OR3A3: variants seen among roughly 807,000 people sequenced by gnomAD.
The protein encoded by OR3A3 is olfactory receptor family 3 subfamily A member 3.
For missense variants in OR3A3, 275 were observed against 391.4 expected (o/e 0.70, Z 2.51); for synonymous variants, 103 against 163.9 (o/e 0.63, Z 2.84).
exon 3 of OR3A3, chr17:3,423,288 T>A (rs1157541731): frequency 6.6e-6 from 1 of 152,352 alleles, no homozygotes; most frequent in Non-Finnish European, 1.5e-5. Flanking sequence ...TTTGAGAGCA[T>A]TACCACCACC....
intron 2 of OR3A3, among the ~76,000 whole-genome samples, chr17:3,412,980 T>C (rs1369236126): frequency 1.3e-5 from 2 of 152,258 alleles, no homozygotes; most frequent in Non-Finnish European, 2.9e-5. Flanking sequence ...TCTCTTTCTC[T>C]GAAATTGTAC....
chr17:3,420,136 C>A (rs191299791), intron 2 of OR3A3, among the ~76,000 whole-genome samples: 6 of 151,980 alleles, frequency 3.9e-5, no homozygotes, highest in Non-Finnish European at 8.8e-5. Context: ...AATTTTATTG[C>A]GTATATTTAA....
At chr17:3,422,129 CG>C (rs2072439119) in exon 3 of OR3A3, 1 of 152,128 alleles carries the variant, frequency 6.6e-6, no homozygotes, top group Non-Finnish European at 1.5e-5. Context: ...TATTTTGAAC[CG>C]TGGGCCCAGT....
chr17:3,420,096 A>G (rs1319765865), intron 2 of OR3A3, among the ~76,000 whole-genome samples: 4 of 152,124 alleles, frequency 2.6e-5, no homozygotes, highest in South Asian at 2.1e-4. Flanking sequence ...ACTATATTCA[A>G]AAAGGAAGTC....
intron 2 of OR3A3, among the ~76,000 whole-genome samples, chr17:3,415,540 G>C (rs557013910): frequency 2.2e-4 from 27 of 124,458 alleles, no homozygotes; most frequent in Non-Finnish European, 4.1e-4. Flanking sequence ...CAGCCTGGGT[G>C]ACAAAAGCGA....
intron 2 of OR3A3, among the ~76,000 whole-genome samples, chr17:3,415,798 A>AATTATTATTATTATTATT (rs71153352): frequency 4.4e-5 from 4 of 90,584 alleles, no homozygotes; most frequent in East Asian, 2.3e-4. Flanking sequence ...CTTATTTTTA[A>AATTATTATTATTATTATT]ATTATTATTA....
intron 2 of OR3A3, among the ~76,000 whole-genome samples, chr17:3,419,591 A>G (rs58372229): frequency 0.43 from 65,399 of 152,038 alleles, 15,391 homozygotes; most frequent in Non-Finnish European, 0.55. Flanking sequence ...ATCATTTTAC[A>G]AAGCATATGC....
chr17:3,421,533 A>G (rs1328045322), exon 3 of OR3A3: 1 of 1,519,810 alleles, frequency 6.6e-7, no homozygotes, highest in Admixed American at 2.2e-5. Context: ...CACTGACCTG[A>G]GAGATGACCT....
At chr17:3,422,003 C>T (rs1405893807) in exon 3 of OR3A3, 1 of 153,272 alleles carries the variant, frequency 6.5e-6, no homozygotes, top group Non-Finnish European at 1.5e-5. Flanking sequence ...TATGCCTGAG[C>T]AGCAATGTCC....
In OR3A3 at chr17:3,415,872, G is replaced by A. The variant is rs1317163613; in HGVS notation, c.-7+3701G>A. ...GACCCAGGCTGGAGTGAAGGGGCAC[G>A]ATCTTGGCTCACTACAACCTCCACC... is the stretch of plus-strand genomic sequence containing the variant. On this transcript the variant is annotated intron_variant, in intron 2 of 2. Transcript: ENST00000641141. Among the ~76,000 whole-genome samples the A allele has an allele frequency of 2.7e-5, 4 of 148,452 alleles. No homozygotes were observed. In the South Asian group the frequency reaches 6.4e-4, roughly 24 times the overall value.
intron 2 of OR3A3, among the ~76,000 whole-genome samples, chr17:3,413,706 G>T (rs946528847): frequency 8.6e-5 from 13 of 151,850 alleles, no homozygotes; most frequent in Admixed American, 3.9e-4. Flanking sequence ...CCAGCTGCTC[G>T]GGAGGCTGAG....
At chr17:3,417,278 T>A (rs1032355063) in intron 2 of OR3A3, among the ~76,000 whole-genome samples, 1 of 152,138 alleles carries the variant, frequency 6.6e-6, no homozygotes, top group African/African-American at 2.4e-5. Context: ...CATGATTGGG[T>A]TAAGCCTTTT....
chr17:3,418,004 T>G (rs907092791), intron 2 of OR3A3, among the ~76,000 whole-genome samples: 4 of 152,210 alleles, frequency 2.6e-5, no homozygotes, highest in African/African-American at 9.6e-5. Context: ...AGTTCTGTTA[T>G]CTCACATTTC....
At chr17:3,419,890 C>T (rs1051097640) in intron 2 of OR3A3, among the ~76,000 whole-genome samples, 29 of 152,036 alleles carry the variant, frequency 1.9e-4, no homozygotes, top group Non-Finnish European at 2.8e-4. Context: ...CTCAGCCTCC[C>T]GAGTAGCTGG....
At chr17:3,422,478 G>A (rs2072441579) in exon 3 of OR3A3, 2 of 152,136 alleles carry the variant, frequency 1.3e-5, no homozygotes, top group African/African-American at 2.4e-5. Context: ...CTCCTCCAAA[G>A]TCTTACTTTT....
intron 2 of OR3A3, among the ~76,000 whole-genome samples, chr17:3,417,943 A>C (rs2072402084): frequency 6.6e-6 from 1 of 152,180 alleles, no homozygotes; most frequent in South Asian, 2.1e-4. Context: ...TTATTTCTGG[A>C]AAGTTTTATT....
At chr17:3,423,953 G>GAAAAAAAAAAAAAAA (rs148900480) in exon 3 of OR3A3, 2 of 120,036 alleles carry the variant, frequency 1.7e-5, no homozygotes, top group Admixed American at 9.2e-5. Context: ...CTCAAAAAAA[G>GAAAAAAAAAAAAAAA]AAAAAAAAAA....
At chr17:3,419,905 A>G (rs891147494) in intron 2 of OR3A3, among the ~76,000 whole-genome samples, 2 of 152,010 alleles carry the variant, frequency 1.3e-5, no homozygotes, top group South Asian at 4.2e-4. Context: ...AGCTGGGACT[A>G]CAGGCGCCTG....
In OR3A3 at chr17:3,413,567, C is replaced by A. The variant is rs188693956; in HGVS notation, c.-7+1396C>A. ...CGGTGGCTCACGCCTGTAATCCCAGCACTTTGGGAGGCCGAGGTGGGCGGA... is the reference window on the plus strand; with the variant it reads ...CGGTGGCTCACGCCTGTAATCCCAGAACTTTGGGAGGCCGAGGTGGGCGGA... On this transcript the variant is annotated intron_variant, in intron 2 of 2. Transcript: ENST00000641141. 3.9e-5 allele frequency among the ~76,000 whole-genome samples: 6 copies of A among 152,224 alleles called. No homozygotes were observed. In the East Asian group the frequency reaches 7.7e-4, roughly 20 times the overall value.
Sources: gnomAD v4.1 joint callset for allele counts (sites outside exome capture counted in the v4.1 genomes callset) on GRCh38, gnomAD v4.1.1 for gene constraint, MANE v1.5 for transcripts, NCBI Gene and HGNC (gene_info 2026-07-23, HGNC 2026-07-21) for gene names.